Variants in HTR3B observed in about 807,000 individuals in gnomAD.
HTR3B encodes 5-hydroxytryptamine (serotonin) receptor 3B, ionotropic.
Under a neutral mutation model 42.8 loss-of-function variants are expected in HTR3B, and 44 were observed. That is an observed-to-expected ratio of 1.03 (90% confidence interval 0.81 to 1.32). The LOEUF is 1.32. Among genes scored for constraint, HTR3B ranks in the 40% most tolerant of loss-of-function variants. The pLI is 0.00. For missense variants in HTR3B, 527 were observed against 536.5 expected, an observed-to-expected ratio of 0.98 and a Z score of 0.17; for synonymous variants, 203 against 209.0, an observed-to-expected ratio of 0.97 and a Z score of 0.25.
At chr11:113,909,195 A>G (rs1358251137) in intron 1 of HTR3B, 100 bp from the exon 2 acceptor site, 3 of 902,270 alleles carry the variant, frequency 3.3e-6, no homozygotes, top group Non-Finnish European at 5.4e-6. Flanking sequence ...GCTGAAAGCT[A>G]TATTCTAGTA....
intron 1 of HTR3B, among the ~76,000 whole-genome samples, chr11:113,908,233 A>G (rs1949748659): frequency 6.6e-6 from 1 of 152,196 alleles, no homozygotes; most frequent in Non-Finnish European, 1.5e-5. Flanking sequence ...TGCTGCCTGT[A>G]GCGGCAAGTG....
intron 2 of HTR3B, among the ~76,000 whole-genome samples, chr11:113,922,844 C>T (rs1388778195): frequency 6.6e-6 from 1 of 152,196 alleles, no homozygotes; most frequent in African/African-American, 2.4e-5. Flanking sequence ...CGTGAGCTAC[C>T]GCGCCCGGCA....
the HTR3B span, among the ~76,000 whole-genome samples, chr11:113,899,223 G>A: frequency 2.0e-5 from 3 of 152,188 alleles, no homozygotes; most frequent in East Asian, 3.9e-4. Context: ...TTTAAGGACC[G>A]TAAAATGTGC....
intron 2 of HTR3B, among the ~76,000 whole-genome samples, chr11:113,921,947 C>G (rs549471995): frequency 2.0e-5 from 3 of 152,182 alleles, no homozygotes; most frequent in African/African-American, 7.2e-5. Context: ...ATTTTATATT[C>G]TGTCCCTCTA....
At chr11:113,904,489 G>A (rs564203723), upstream of HTR3B, among the ~76,000 whole-genome samples, 4 of 152,330 alleles carry the variant, frequency 2.6e-5, no homozygotes, top group African/African-American at 9.6e-5. Context: ...GCATAAGTCT[G>A]ATTTAGAACA....
intron 2 of HTR3B, among the ~76,000 whole-genome samples, chr11:113,910,655 G>A (rs7943259): frequency 0.15 from 22,728 of 151,294 alleles, 1,796 homozygotes; most frequent in Middle Eastern, 0.17. Context: ...GGACAGGTTG[G>A]TCTCAAACTC....
In HTR3B at chr11:113,909,448, T is replaced by C. The variant is rs1949762265; in HGVS notation, c.206T>C (p.Leu69Ser). 1 of 1,613,730 alleles carries C rather than the reference T, an allele frequency of 6.2e-7. No individual in the cohort carries two copies. The highest frequency in any genetic ancestry group is 1.7e-5 in the Admixed American group (1 of 59,924). The stretch of plus-strand genomic sequence containing the variant: ...CTGGACCTGTTCGTCCATGCTATAT[T>C]GGATGTGGTAAGGACCATCTTGCCC... ...VYLDLFVHAI[L>S]DVDAENQILK... Residue 69 changes from leucine (L) to serine (S), a missense_variant, in exon 2 of 9, where the codon TTG becomes TCG. Coordinates refer to ENST00000260191, the MANE Select transcript of HTR3B (RefSeq NM_006028.5).
intron 1 of HTR3B, chr11:113,909,068 T>C: frequency 1.7e-6 from 1 of 583,290 alleles, no homozygotes; most frequent in South Asian, 2.3e-5. Flanking sequence ...GGAGATGGCG[T>C]TGATTTACTT....
chr11:113,932,285 A>T lies in HTR3B; in HGVS notation c.369-4A>T, dbSNP rs773899507. ...GACAACAAGTTCTCTTGTGTTTCAT[A>T]TAGTGTGGACATTGAAAGATACCCT... On this transcript the variant is annotated splice_polypyrimidine_tract_variant and splice_region_variant and intron_variant, in intron 4 of 8. Coordinates refer to ENST00000260191, the MANE Select transcript of HTR3B (RefSeq NM_006028.5). 3.1e-6 allele frequency: 5 copies of T among 1,607,582 alleles called. No homozygotes were observed. Among genetic ancestry groups the T allele is most frequent in the Non-Finnish European group, 4.3e-6 (5 of 1,175,464 alleles).
chr11:113,904,177 TCAATCAAAA>T (rs1949717320), upstream of HTR3B, among the ~76,000 whole-genome samples: 2 of 152,180 alleles, frequency 1.3e-5, no homozygotes, highest in African/African-American at 2.4e-5. Context: ...GAATGCGTAT[TCAATCAAAA>T]AGTGAAAAAA....
chr11:113,921,292 C>T (rs1194043343), intron 2 of HTR3B, among the ~76,000 whole-genome samples: 7 of 150,670 alleles, frequency 4.6e-5, no homozygotes, highest in Non-Finnish European at 7.4e-5. Context: ...ATTATAGGCA[C>T]CCACCACCAC....
chr11:113,905,219 G>A (rs1278505615), intron 1 of HTR3B, among the ~76,000 whole-genome samples: 2 of 152,158 alleles, frequency 1.3e-5, no homozygotes, highest in Admixed American at 6.6e-5. Context: ...TTTACACATA[G>A]CTGAAAATAT....
chr11:113,929,559 A>G (rs199724630), intron 2 of HTR3B, among the ~76,000 whole-genome samples: 1 of 152,024 alleles, frequency 6.6e-6, no homozygotes, highest in Non-Finnish European at 1.5e-5. Context: ...ATTACTCCCT[A>G]TAAGTCCTGT....
intron 6 of HTR3B, among the ~76,000 whole-genome samples, chr11:113,937,610 TTGAGG>T (rs945046465): frequency 1.3e-5 from 2 of 152,184 alleles, no homozygotes; most frequent in African/African-American, 4.8e-5. Flanking sequence ...AATAAATGAA[TTGAGG>T]TGCAGAGAAG....
At chr11:113,916,256 T>C (rs1477561447) in intron 2 of HTR3B, among the ~76,000 whole-genome samples, 1 of 152,270 alleles carries the variant, frequency 6.6e-6, no homozygotes, top group African/African-American at 2.4e-5. Context: ...TATTTGCCAA[T>C]TGCCAACTGT....
intron 2 of HTR3B, among the ~76,000 whole-genome samples, chr11:113,923,791 A>G (rs1949939606): frequency 6.6e-6 from 1 of 152,244 alleles, no homozygotes; most frequent in Admixed American, 6.5e-5. Flanking sequence ...GCTGGCATTG[A>G]GAAACTTGTT....
chr11:113,905,083 GT>G, intron 1 of HTR3B, 98 bp downstream of exon 1: 4 of 818,840 alleles, frequency 4.9e-6, no homozygotes, highest in Non-Finnish European at 7.9e-6. Context: ...TCTCAGGCAT[GT>G]TTGTTTTTAT....
rs1396243669 is a variant in HTR3B, at chr11:113,947,127, CAG to C, written c.*993_*994del. Among the ~76,000 whole-genome samples, 40 of 150,144 alleles carry C rather than the reference CAG, an allele frequency of 2.7e-4. No individual in the cohort carries two copies. Among genetic ancestry groups the C allele is most frequent in the African/African-American group, 9.6e-4 (39 of 40,806 alleles). ...AAGGCTTCTTTTTTTTTTTTTGAGG[CAG>C]AGTCTTGCTCTGTCACCAGATTGGA... On this transcript the variant is annotated 3_prime_UTR_variant, in exon 9 of 9. Coordinates refer to ENST00000260191, the MANE Select transcript of HTR3B (RefSeq NM_006028.5).
At chr11:113,901,794 C>A (rs910913034), upstream of HTR3B, among the ~76,000 whole-genome samples, 1 of 152,186 alleles carries the variant, frequency 6.6e-6, no homozygotes, top group Non-Finnish European at 1.5e-5. Flanking sequence ...GGAAGCACGT[C>A]CCCAGAAGGT....
Sources: allele counts gnomAD v4.1 joint callset (sites outside exome capture counted in the v4.1 genomes callset), GRCh38; gene constraint gnomAD v4.1.1; transcripts MANE v1.5; gene names NCBI Gene and HGNC (gene_info 2026-07-23, HGNC 2026-07-21).